Variants in TRIM67 observed in about 807,000 individuals in gnomAD.
TRIM67 encodes tripartite motif-containing protein 67.
In TRIM67, 39 loss-of-function variants were observed where a neutral mutation model predicts 71.0. The ratio of observed to expected loss-of-function variants is 0.55; its 90% CI spans 0.43 to 0.72. TRIM67 has a LOEUF of 0.72. Among genes scored for constraint, TRIM67 ranks in the 30% least tolerant of loss-of-function variants. TRIM67 has a pLI of 0.00. For missense variants in TRIM67, 973 were observed against 1,079.2 expected, an observed-to-expected ratio of 0.90 and a Z score of 1.38; for synonymous variants, 481 against 473.9, an observed-to-expected ratio of 1.01 and a Z score of -0.19.
rs575370199 is a variant in TRIM67, at chr1:231,204,019, C to T, written c.1680+7C>T. On this transcript the variant is annotated splice_region_variant and intron_variant, in intron 6 of 9. Coordinates refer to ENST00000366653, the MANE Select transcript of TRIM67 (RefSeq NM_001004342.5). ...TGCCGGGGGACAGTTCCGGGTGAGG[C>T]CTTGCTGCTTATTTGGCGGGGATTG... 137 of 1,613,632 alleles carry T rather than the reference C, an allele frequency of 8.5e-5. 1 individual carries two copies. In the South Asian group the frequency reaches 1.4e-3, roughly 16 times the overall value.
rs776710621 is a variant in TRIM67 at position 231,208,971 on chromosome 1, A to G, written c.1844A>G (p.Asn615Ser). Residue 615 changes from asparagine to serine, a missense_variant, in exon 8 of 10, where the codon AAC (asparagine) becomes AGC (serine). Transcript: ENST00000366653. ...SDVAWFTFDP[N>S]SGHRDIILSN... ...GTGGCCTGGTTCACATTTGACCCCA[A>G]CTCTGGGCATCGGGACATCATTTTA... 3 of 1,595,742 alleles carry G rather than the reference A, an allele frequency of 1.9e-6. No individual in the cohort carries two copies. The South Asian group carries it at 3.3e-5, about 18-fold the overall frequency.
At chr1:231,169,380 T>C (rs1479959895) in intron 1 of TRIM67, among the ~76,000 whole-genome samples, 2 of 146,066 alleles carry the variant, frequency 1.4e-5, no homozygotes, top group Non-Finnish European at 3.0e-5. Context: ...TTTTTTTTTT[T>C]TTTTTTTTTT....
intron 1 of TRIM67, among the ~76,000 whole-genome samples, chr1:231,180,520 T>C (rs766108806): frequency 6.6e-6 from 1 of 152,198 alleles, no homozygotes; most frequent in Non-Finnish European, 1.5e-5. Flanking sequence ...CTTCAGATAC[T>C]GTTCTACCCT....
intron 9 of TRIM67, 85 bp downstream of exon 9, chr1:231,214,062 G>A (rs919894874): frequency 2.8e-6 from 4 of 1,431,046 alleles, no homozygotes; most frequent in Non-Finnish European, 3.7e-6. Context: ...GGCAGAGTGG[G>A]CCATAAAGAA....
rs1553322812 is a variant in TRIM67, at chr1:231,176,912, A to ACAAAAAAAAC, written c.1044+12899_1044+12900insCAAAAAAAAC. 4.9e-4 allele frequency among the ~76,000 whole-genome samples: 74 copies of ACAAAAAAAAC among 150,154 alleles called. 3 individuals carry two copies. The highest frequency in any genetic ancestry group is 1.8e-3 in the African/African-American group (70 of 39,936). On this transcript the variant is annotated intron_variant, in intron 1 of 9. Coordinates refer to ENST00000366653, the MANE Select transcript of TRIM67 (RefSeq NM_001004342.5). ...GTTTGCCAATACAATCTGGCAAAAA[A>ACAAAAAAAAC]AAAAAAAAAAACACCTTTCAAACAT... is the stretch of plus-strand genomic sequence containing the variant.
rs1386203689 is a variant in TRIM67, at chr1:231,217,707, CCA to C, written c.*2270_*2271del. 1.6e-6 allele frequency: 2 copies of C among 1,222,172 alleles called. No homozygotes were observed. Among genetic ancestry groups the C allele is most frequent in the Non-Finnish European group, 2.1e-6 (2 of 954,896 alleles). The allele number at this position is 1,222,172 out of a possible 1,614,324, so 75.7% of individuals were successfully genotyped here. On this transcript the variant is annotated 3_prime_UTR_variant, in exon 10 of 10. Coordinates refer to ENST00000366653, the MANE Select transcript of TRIM67 (RefSeq NM_001004342.5). ...GAAGGCTGTGGAGCCTCCACCATCA[CCA>C]CAGCCCAGGTCACCAGGTGGCCCCA... is the stretch of plus-strand genomic sequence containing the variant.
At chr1:231,191,029 C>T (rs1211173193) in intron 1 of TRIM67, among the ~76,000 whole-genome samples, 4 of 152,172 alleles carry the variant, frequency 2.6e-5, no homozygotes, top group African/African-American at 9.7e-5. Context: ...TTCTGAGCCT[C>T]AGTTTAGGCT....
chr1:231,190,213 C>A (rs936479538), intron 1 of TRIM67, among the ~76,000 whole-genome samples: 2 of 152,164 alleles, frequency 1.3e-5, no homozygotes, highest in Non-Finnish European at 2.9e-5. Context: ...GTGGTGGCGC[C>A]TTCAAAGAGA....
At chr1:231,182,992 C>T (rs1368550454) in intron 1 of TRIM67, among the ~76,000 whole-genome samples, 1 of 152,162 alleles carries the variant, frequency 6.6e-6, no homozygotes, top group African/African-American at 2.4e-5. Flanking sequence ...TCAATCCTGG[C>T]AACTTAAAAT....
intron 1 of TRIM67, among the ~76,000 whole-genome samples, chr1:231,167,611 C>A (rs1303357039): frequency 2.8e-5 from 3 of 105,896 alleles, no homozygotes; most frequent in Non-Finnish European, 5.1e-5. Flanking sequence ...CGTGAGCCAC[C>A]GCGCCCGGCC....
chr1:231,163,220 C>G lies in TRIM67; in HGVS notation c.251C>G (p.Ala84Gly). The change falls in exon 1 of 10, where the codon GCA becomes GGA. Residue 84 changes from alanine (A) to glycine (G), a missense_variant. Ala to Gly is a moderately conservative substitution (Grantham distance 60). This residue lies in a region of TRIM67 where 795 missense variants were observed against 831.3 expected (regional missense o/e 0.96). Coordinates refer to ENST00000366653, the MANE Select transcript of TRIM67 (RefSeq NM_001004342.5). ...GCCTGCGGCGGTGCAGGCGGGAGTG[C>G]AGCTGGCGGCCTCGGCGGCGGTGCG... ...GPACGGAGGS[A>G]AGGLGGGAGG... The G allele has an allele frequency of 6.7e-7, 1 of 1,492,408 alleles. No homozygotes were observed. The highest frequency in any genetic ancestry group is 8.9e-7 in the Non-Finnish European group (1 of 1,121,588). 92.4% of individuals were successfully genotyped at this position (1,492,408 alleles called of 1,614,324 possible).
chr1:231,198,264 T>C (rs1427823397), intron 2 of TRIM67, among the ~76,000 whole-genome samples: 1 of 152,234 alleles, frequency 6.6e-6, no homozygotes, highest in Non-Finnish European at 1.5e-5. Flanking sequence ...GCACCATGTG[T>C]GCCTCAGGGT....
At position 231,187,619 on chromosome 1, in the gene TRIM67, C is replaced by G; in HGVS notation, c.1045-9752C>G. 3 of 1,462,286 alleles carry G rather than the reference C, an allele frequency of 2.1e-6. No individual in the cohort carries two copies. In the South Asian group the frequency reaches 3.8e-5, roughly 18 times the overall value. The allele number at this position is 1,462,286 out of a possible 1,614,324, so 90.6% of individuals were successfully genotyped here. A position where few individuals can be genotyped will look rare whatever the true frequency, so the allele number is the denominator to read the frequency against. On this transcript the variant is annotated intron_variant, in intron 1 of 9. Coordinates refer to ENST00000366653, the MANE Select transcript of TRIM67 (RefSeq NM_001004342.5). Reference sequence around the variant, plus strand: ...TGGTGTGAAACTCTCAGTGAAGCTTCGATTCCTGTTTTAATACACGCCCCA... The same window carrying G: ...TGGTGTGAAACTCTCAGTGAAGCTTGGATTCCTGTTTTAATACACGCCCCA...
intron 1 of TRIM67, among the ~76,000 whole-genome samples, chr1:231,183,317 G>A (rs1231643703): frequency 2.0e-5 from 3 of 152,132 alleles, no homozygotes; most frequent in Non-Finnish European, 4.4e-5. Context: ...CAGAAAAATA[G>A]GCCAGGCAGA....
At chr1:231,192,862 T>C (rs1232491198) in intron 1 of TRIM67, among the ~76,000 whole-genome samples, 1 of 152,256 alleles carries the variant, frequency 6.6e-6, no homozygotes, top group Non-Finnish European at 1.5e-5. Context: ...CAGTGTCCGC[T>C]GAACCGTGAG....
Position 231,184,792 on chromosome 1 carries a change from G to A in TRIM67, c.1045-12579G>A, listed in dbSNP as rs1683010135. ...TAGAGTGCCAGTCCCTGAACCCAGG[G>A]CCTTCCATGCACACCATCATTAAAC... On this transcript the variant is annotated intron_variant, in intron 1 of 9. Transcript: ENST00000366653. The A allele has an allele frequency of 8.8e-6, 5 of 570,932 alleles. No individual in the cohort carries two copies. The Admixed American group carries it at 1.5e-4, about 18-fold the overall frequency. 35.4% of individuals were successfully genotyped at this position (570,932 alleles called of 1,614,324 possible).
At chr1:231,213,624 G>C (rs1466589508) in intron 8 of TRIM67, among the ~76,000 whole-genome samples, 191 bp from the exon 9 acceptor site, 1 of 152,056 alleles carries the variant, frequency 6.6e-6, no homozygotes, top group Non-Finnish European at 1.5e-5. Flanking sequence ...CCAGCTACTC[G>C]GGAGGCTGAG....
In TRIM67 at chr1:231,218,139, G is replaced by T. The variant is rs1191191334; in HGVS notation, c.*2699G>T. 43 of 1,050,300 alleles carry T rather than the reference G, an allele frequency of 4.1e-5. 1 individual carries two copies. Among genetic ancestry groups the T allele is most frequent in the Middle Eastern group, 4.6e-4 (1 of 2,178 alleles). The allele number at this position is 1,050,300 out of a possible 1,614,324, so 65.1% of individuals were successfully genotyped here. ...CTTGTGTTTTTGAGGGATCAGAAAA[G>T]TGAAGAAGGAACTTATCAATTCCTC... On this transcript the variant is annotated 3_prime_UTR_variant, in exon 10 of 10. Coordinates refer to ENST00000366653, the MANE Select transcript of TRIM67 (RefSeq NM_001004342.5).
intron 9 of TRIM67, among the ~76,000 whole-genome samples, chr1:231,214,430 T>C (rs1431923397): frequency 6.6e-6 from 1 of 152,100 alleles, no homozygotes; most frequent in Admixed American, 6.5e-5. Context: ...CAATCACTGA[T>C]TGATCGATTC....
Sources: gnomAD v4.1 joint callset for allele counts (sites outside exome capture counted in the v4.1 genomes callset) on GRCh38, gnomAD v4.1.1 for gene constraint, gnomAD v4.1.1 regional missense constraint, MANE v1.5 for transcripts, NCBI Gene and HGNC (gene_info 2026-07-23, HGNC 2026-07-21) for gene names.